Variants in CDH4 observed in about 807,000 individuals in gnomAD.
The protein encoded by CDH4 is cadherin-4.
Under a neutral mutation model 86.0 loss-of-function variants are expected in CDH4, and 33 were observed. The observed-to-expected ratio is 0.38, with a 90% CI of 0.29 to 0.51. The LOEUF (loss-of-function observed/expected upper bound fraction) is 0.51, where lower values mean the gene tolerates loss of function less well. CDH4 is among the 20% of genes least tolerant of loss of function. CDH4 has a pLI of 0.86. For missense variants in CDH4, 1,114 were observed against 1,307.4 expected, an observed-to-expected ratio of 0.85 and a Z score of 2.28; for synonymous variants, 555 against 549.4, an observed-to-expected ratio of 1.01 and a Z score of -0.14.
chr20:61,730,840 G>A (rs1029450267), intron 2 of CDH4, among the ~76,000 whole-genome samples: 7 of 151,936 alleles, frequency 4.6e-5, no homozygotes, highest in Non-Finnish European at 7.4e-5. Flanking sequence ...GGTGCTGGGG[G>A]CAGGGCCTGG....
chr20:61,386,528 G>A (rs1385547746), intron 2 of CDH4, among the ~76,000 whole-genome samples: 1 of 152,166 alleles, frequency 6.6e-6, no homozygotes, highest in Admixed American at 6.5e-5. Flanking sequence ...AATGATGCGG[G>A]GGGCCTGGCC....
intron 2 of CDH4, among the ~76,000 whole-genome samples, chr20:61,334,730 C>T (rs1053910295): frequency 2.0e-5 from 3 of 152,214 alleles, no homozygotes; most frequent in African/African-American, 7.2e-5. Flanking sequence ...GCACCCACAC[C>T]TCTGCAGGGC....
Position 61,480,268 on chromosome 20 carries a change from C to A in CDH4, c.169+225331C>A, listed in dbSNP as rs1375099825. Among the ~76,000 whole-genome samples the A allele has an allele frequency of 2.0e-5, 3 of 152,132 alleles. No homozygotes were observed. Among genetic ancestry groups the A allele is most frequent in the Non-Finnish European group, 4.4e-5 (3 of 68,026 alleles). ...CCCTCTCGTGGTAGCCTGGAAACTC[C>A]CCAAGCGGAAGCCGGGGCAGCTGTG... On this transcript the variant is annotated intron_variant, in intron 2 of 15. Transcript: ENST00000614565. The surrounding 1 kb of genome is among the most constrained non-coding windows in gnomAD (Gnocchi z 5.2).
At chr20:61,813,028 A>T (rs1980518750) in intron 4 of CDH4, among the ~76,000 whole-genome samples, 1 of 152,256 alleles carries the variant, frequency 6.6e-6, no homozygotes, top group Admixed American at 6.5e-5. Context: ...GGGAGTCTCC[A>T]CGCACACATG....
At chr20:61,831,879 G>C (rs979195546) in intron 4 of CDH4, among the ~76,000 whole-genome samples, 1 of 152,260 alleles carries the variant, frequency 6.6e-6, no homozygotes, top group Non-Finnish European at 1.5e-5. Flanking sequence ...AGAGGCTCAT[G>C]GCTTCCAGAA....
At chr20:61,347,357 C>T (rs948980071) in intron 2 of CDH4, among the ~76,000 whole-genome samples, 1 of 152,240 alleles carries the variant, frequency 6.6e-6, no homozygotes, top group African/African-American at 2.4e-5. Context: ...AGGCTTCTGT[C>T]TTAGATGATT....
At chr20:61,925,286 G>A (rs1476671142) in intron 11 of CDH4, among the ~76,000 whole-genome samples, 1 of 152,196 alleles carries the variant, frequency 6.6e-6, no homozygotes, top group African/African-American at 2.4e-5. Flanking sequence ...GCCCCCCACG[G>A]GTCGCACGCT....
chr20:61,778,654 T>C (rs1193706861), intron 4 of CDH4, among the ~76,000 whole-genome samples: 1 of 151,658 alleles, frequency 6.6e-6, no homozygotes, highest in Non-Finnish European at 1.5e-5. Flanking sequence ...AGTGAGGAGG[T>C]GTACCCACAC....
At chr20:61,620,207 CA>C (rs2086762538) in intron 2 of CDH4, among the ~76,000 whole-genome samples, 1 of 5,488 alleles carries the variant, frequency 1.8e-4, no homozygotes, top group African/African-American at 7.1e-4. Context: ...GATGGATGGA[CA>C]GACAGGCAGG....
At chr20:61,688,733 A>G (rs760021684) in intron 2 of CDH4, among the ~76,000 whole-genome samples, 23 of 152,252 alleles carry the variant, frequency 1.5e-4, no homozygotes, top group Non-Finnish European at 2.6e-4. Flanking sequence ...TCGTTCCTCA[A>G]TCTGAGAGCT....
At chr20:61,615,895 G>A (rs1473782464) in intron 2 of CDH4, among the ~76,000 whole-genome samples, 3 of 152,218 alleles carry the variant, frequency 2.0e-5, no homozygotes, top group Non-Finnish European at 2.9e-5. Flanking sequence ...AAATGCCTTC[G>A]GTGGGGTCAG....
At chr20:61,383,369 A>G (rs1600922990) in intron 2 of CDH4, among the ~76,000 whole-genome samples, 1 of 75,882 alleles carries the variant, frequency 1.3e-5, no homozygotes, top group Non-Finnish European at 2.5e-5. Flanking sequence ...ATATATATGA[A>G]TATATATGGA....
At chr20:61,293,225 C>T (rs2084333239) in intron 2 of CDH4, among the ~76,000 whole-genome samples, 2 of 152,208 alleles carry the variant, frequency 1.3e-5, no homozygotes, top group Admixed American at 6.5e-5. Context: ...GCTCTCCCCA[C>T]ATGCACGTAG....
chr20:61,718,822 G>C, intron 2 of CDH4: 1 of 471,178 alleles, frequency 2.1e-6, no homozygotes, highest in South Asian at 1.5e-5. Context: ...ACCATCCCGG[G>C]CTCCCAGCGA....
At chr20:61,764,517 A>G (rs1370798459) in intron 3 of CDH4, among the ~76,000 whole-genome samples, 1 of 152,120 alleles carries the variant, frequency 6.6e-6, no homozygotes, top group African/African-American at 2.4e-5. Context: ...CAGAAAGACC[A>G]TGAGACCACC....
In CDH4 at chr20:61,676,694, A is replaced by G. The variant is rs1262645839; in HGVS notation, c.170-66869A>G. 2.6e-5 allele frequency among the ~76,000 whole-genome samples: 4 copies of G among 152,224 alleles called. No homozygotes were observed. Among genetic ancestry groups the G allele is most frequent in the Non-Finnish European group, 5.9e-5 (4 of 68,038 alleles). On this transcript the variant is annotated intron_variant, in intron 2 of 15. Transcript: ENST00000614565. The surrounding 1 kb of genome is among the most constrained non-coding windows in gnomAD (Gnocchi z 4.5). ...CAATCCCACACACCCCCAGGAGCCT[A>G]TGGAAGTGACCAGATGATAAACCTT...
At position 61,398,422 on chromosome 20, in the gene CDH4, G is replaced by A. The variant is rs537634261; in HGVS notation, c.169+143485G>A. ...CCCCAGGGAAGCAGAATCATCGGAT[G>A]TGTATACACAGAGGAGATTTCTTTT... On this transcript the variant is annotated intron_variant, in intron 2 of 15. Coordinates refer to ENST00000614565, the MANE Select transcript of CDH4 (RefSeq NM_001794.5). 5.3e-5 allele frequency among the ~76,000 whole-genome samples: 8 copies of A among 152,368 alleles called. No individual in the cohort carries two copies. The South Asian group carries it at 1.4e-3, about 28-fold the overall frequency.
chr20:61,892,128 G>A (rs1275992372), intron 7 of CDH4, among the ~76,000 whole-genome samples: 2 of 152,224 alleles, frequency 1.3e-5, no homozygotes, highest in African/African-American at 4.8e-5. Context: ...TACAATAATA[G>A]TGATGCGCAG....
At chr20:61,463,895 C>T (rs1374542703) in intron 2 of CDH4, among the ~76,000 whole-genome samples, 1 of 152,144 alleles carries the variant, frequency 6.6e-6, no homozygotes, top group East Asian at 1.9e-4. Context: ...GGGCAATGGT[C>T]AGGAAGAAAC....
Sources: allele counts gnomAD v4.1 joint callset (sites outside exome capture counted in the v4.1 genomes callset), GRCh38; gene constraint gnomAD v4.1.1; non-coding constraint Gnocchi (gnomAD v3.1); transcripts MANE v1.5; gene names NCBI Gene and HGNC (gene_info 2026-07-23, HGNC 2026-07-21).